KCNN2: variants seen among roughly 807,000 people sequenced by gnomAD.
KCNN2 encodes the protein potassium calcium-activated channel subfamily N member 2, also known as small conductance calcium-activated potassium channel protein 2.
Under a neutral mutation model 55.5 loss-of-function variants are expected in KCNN2, and 24 were observed. The ratio of observed to expected loss-of-function variants is 0.43; its 90% CI spans 0.31 to 0.61. The LOEUF is 0.61. Ranked by LOEUF, KCNN2 falls within the 20% of genes least tolerant of loss-of-function variation. The pLI is 0.08. For missense variants in KCNN2, 754 were observed against 853.6 expected, an observed-to-expected ratio of 0.88 and a Z score of 1.45; for synonymous variants, 431 against 336.1, an observed-to-expected ratio of 1.28 and a Z score of -3.09.
chr5:114,075,578 A>G (rs1219868023), intron 1 of KCNN2, among the ~76,000 whole-genome samples: 2 of 152,192 alleles, frequency 1.3e-5, no homozygotes, highest in Non-Finnish European at 2.9e-5. Flanking sequence ...GTATTTCTCT[A>G]TATAGTACAT....
Position 114,115,775 on chromosome 5 carries a change from C to G in KCNN2, c.-271+59275C>G, listed in dbSNP as rs141435043. ...CATCCAGCTAAAGAGCCTGCCCTTT[C>G]TTTTGGTGTTTGATACTAGATTTGC... On this transcript the variant is annotated intron_variant, in intron 1 of 10. Coordinates refer to the KCNN2 transcript ENST00000512097. 2.5e-3 allele frequency among the ~76,000 whole-genome samples: 384 copies of G among 152,100 alleles called. 3 individuals carry two copies. The highest frequency in any genetic ancestry group is 2.8e-3 in the Non-Finnish European group (188 of 67,962).
At chr5:114,108,714 A>G (rs1045053346) in intron 1 of KCNN2, among the ~76,000 whole-genome samples, 1 of 151,984 alleles carries the variant, frequency 6.6e-6, no homozygotes, top group East Asian at 1.9e-4. Flanking sequence ...TTGTCTTCTT[A>G]TTGTTGAGTA....
chr5:114,348,492 C>T (rs1757154461), intron 2 of KCNN2, among the ~76,000 whole-genome samples: 1 of 152,114 alleles, frequency 6.6e-6, no homozygotes, highest in Non-Finnish European at 1.5e-5. Context: ...TTTTTTCTTG[C>T]TGTTAGGATC....
At chr5:114,061,484 C>T (rs916628698) in intron 1 of KCNN2, among the ~76,000 whole-genome samples, 2 of 152,078 alleles carry the variant, frequency 1.3e-5, no homozygotes, top group African/African-American at 4.8e-5. Flanking sequence ...GCAGATGCCT[C>T]TATAACGAAG....
intron 1 of KCNN2, among the ~76,000 whole-genome samples, chr5:114,189,451 A>G (rs1182465209): frequency 6.6e-6 from 1 of 152,176 alleles, no homozygotes. Flanking sequence ...AGGGAGGACA[A>G]TCTGCTTACC....
chr5:114,183,376 T>G (rs955047713), intron 1 of KCNN2, among the ~76,000 whole-genome samples: 1 of 152,086 alleles, frequency 6.6e-6, no homozygotes, highest in Non-Finnish European at 1.5e-5. Context: ...ATAAACTGTT[T>G]GGAAATTTTT....
chr5:114,302,387 A>G (rs1341569095), intron 2 of KCNN2, among the ~76,000 whole-genome samples: 1 of 152,168 alleles, frequency 6.6e-6, no homozygotes, highest in African/African-American at 2.4e-5. Context: ...ATTGTATTAG[A>G]TAGATGCTAC....
At chr5:114,488,775 A>G (rs1171020212) in intron 6 of KCNN2, among the ~76,000 whole-genome samples, 1 of 152,118 alleles carries the variant, frequency 6.6e-6, no homozygotes, top group African/African-American at 2.4e-5. Flanking sequence ...AGTAACCCCA[A>G]CACATTCATA....
intron 1 of KCNN2, among the ~76,000 whole-genome samples, chr5:114,106,545 G>T (rs1046139455): frequency 2.1e-5 from 3 of 143,742 alleles, no homozygotes; most frequent in Non-Finnish European, 4.6e-5. Flanking sequence ...ATTCTTGTTT[G>T]TTTTTTTTAA....
chr5:114,269,062 A>G (rs1465826552), intron 2 of KCNN2, among the ~76,000 whole-genome samples: 1 of 152,058 alleles, frequency 6.6e-6, no homozygotes. Context: ...TCTCCAAGCT[A>G]TCATTACATG....
intron 2 of KCNN2, among the ~76,000 whole-genome samples, chr5:114,378,960 G>C (rs1253865133): frequency 6.6e-6 from 1 of 152,170 alleles, no homozygotes; most frequent in African/African-American, 2.4e-5. Flanking sequence ...CTGGCAGCAT[G>C]TATAATTTAT....
At chr5:114,168,844 C>G in intron 1 of KCNN2, among the ~76,000 whole-genome samples, 1 of 152,072 alleles carries the variant, frequency 6.6e-6, no homozygotes, top group East Asian at 1.9e-4. Flanking sequence ...AAAAGATTCC[C>G]AAGGAAGGTG....
intron 5 of KCNN2, among the ~76,000 whole-genome samples, chr5:114,474,451 T>C (rs1761883807): frequency 6.6e-6 from 1 of 152,182 alleles, no homozygotes; most frequent in African/African-American, 2.4e-5. Context: ...CATGACTTAC[T>C]CTCATTTTCT....
At chr5:114,206,551 A>G (rs1753780599) in intron 1 of KCNN2, among the ~76,000 whole-genome samples, 1 of 151,122 alleles carries the variant, frequency 6.6e-6, no homozygotes, top group African/African-American at 2.4e-5. Flanking sequence ...TCCCCTGTGA[A>G]TTTCTCTCAA....
At chr5:114,108,007 A>T (rs969759856) in intron 1 of KCNN2, among the ~76,000 whole-genome samples, 3 of 152,220 alleles carry the variant, frequency 2.0e-5, no homozygotes, top group Non-Finnish European at 4.4e-5. Flanking sequence ...ACTTTGGTAG[A>T]TAGGATATCT....
intron 1 of KCNN2, among the ~76,000 whole-genome samples, chr5:114,172,937 A>G (rs1477740264): frequency 6.6e-6 from 1 of 151,952 alleles, no homozygotes; most frequent in Admixed American, 6.6e-5. Context: ...TTTTAACTTG[A>G]TATGATCCCG....
intron 1 of KCNN2, among the ~76,000 whole-genome samples, chr5:114,085,892 A>G (rs1417154957): frequency 1.3e-5 from 2 of 152,066 alleles, no homozygotes; most frequent in South Asian, 2.1e-4. Context: ...TTTGCTTTAT[A>G]TATTTTGAAG....
intron 2 of KCNN2, among the ~76,000 whole-genome samples, chr5:114,225,355 G>A (rs925644429): frequency 3.3e-5 from 5 of 152,110 alleles, no homozygotes; most frequent in African/African-American, 1.2e-4. Context: ...ATATTATATA[G>A]AAGAAGCATC....
chr5:114,491,301 C>T (rs1224430520), intron 6 of KCNN2, among the ~76,000 whole-genome samples: 1 of 152,020 alleles, frequency 6.6e-6, no homozygotes, highest in Non-Finnish European at 1.5e-5. Context: ...CATTTCTGTG[C>T]CACTAATACT....
Sources: allele counts gnomAD v4.1 joint callset (sites outside exome capture counted in the v4.1 genomes callset), GRCh38; gene constraint gnomAD v4.1.1; transcripts MANE v1.5; gene names NCBI Gene and HGNC (gene_info 2026-07-23, HGNC 2026-07-21).